The following FCRL5 variants were observed in gnomAD, a reference collection of about 807,000 sequenced individuals.
FCRL5 encodes the protein Fc receptor-like protein 5.
A neutral mutation model predicts 92.1 loss-of-function variants in FCRL5; 79 were observed. The observed-to-expected ratio is 0.86, with a 90% CI of 0.72 to 1.03. FCRL5 has a LOEUF of 1.03. Ranked by LOEUF, FCRL5 falls within the 50% of genes least tolerant of loss-of-function variation. The probability of loss-of-function intolerance (pLI) is 0.00; values close to 1 mark genes in which losing one functional copy is unlikely to be tolerated. For missense variants in FCRL5, 1,160 were observed against 1,181.1 expected, an observed-to-expected ratio of 0.98 and a Z score of 0.26; for synonymous variants, 466 against 469.3, an observed-to-expected ratio of 0.99 and a Z score of 0.09.
At position 157,543,008 on chromosome 1, in the gene FCRL5, C is replaced by A; in HGVS notation, c.974G>T (p.Gly325Val). 2 of 1,614,188 alleles carry A rather than the reference C, an allele frequency of 1.2e-6. No individual in the cohort carries two copies. The highest frequency in any genetic ancestry group is 1.7e-6 in the Non-Finnish European group (2 of 1,180,038). ...GACTGACTTGTGCCTCAGGGGGACA[C>A]CCTCATGATAAAACCTGTACAAAGT... Reference protein sequence around the residue: ...LRTLYRFYHEGVPLRHKSVRC... With the variant: ...LRTLYRFYHEVVPLRHKSVRC... The change falls in exon 6 of 17, where the codon GGT becomes GTT. Residue 325 changes from glycine (G) to valine (V), a missense_variant. Gly to Val is a moderately radical substitution (Grantham distance 109, BLOSUM62 -3). Transcript: ENST00000361835.
chr1:157,536,007 T>A (rs1046811543), intron 7 of FCRL5, among the ~76,000 whole-genome samples: 1 of 148,192 alleles, frequency 6.7e-6, no homozygotes, highest in Non-Finnish European at 1.5e-5. Context: ...AGTGGCATGA[T>A]CTCAGCTCAC....
At chr1:157,518,544 T>TTG (rs747516985) in intron 14 of FCRL5, 47 bp from the exon 15 acceptor site, 1 of 1,545,040 alleles carries the variant, frequency 6.5e-7, no homozygotes, top group South Asian at 1.1e-5. Flanking sequence ...TTCTTGCCTC[T>TTG]TGTTAGAGAT....
chr1:157,526,379 A>G (rs1235760985), intron 9 of FCRL5, among the ~76,000 whole-genome samples: 1 of 152,188 alleles, frequency 6.6e-6, no homozygotes, highest in South Asian at 2.1e-4. Context: ...ACATGGAGAC[A>G]GTCTGGGTAA....
intron 15 of FCRL5, among the ~76,000 whole-genome samples, chr1:157,516,287 G>C (rs1472701005): frequency 6.6e-6 from 1 of 152,020 alleles, no homozygotes; most frequent in African/African-American, 2.4e-5. Context: ...TCCGTGGTTG[G>C]GGGAAGTCAC....
chr1:157,523,294 T>C (rs1046910488), intron 10 of FCRL5, among the ~76,000 whole-genome samples: 2 of 152,348 alleles, frequency 1.3e-5, no homozygotes, highest in East Asian at 1.9e-4. Context: ...TACAACCTGC[T>C]TTTACTTTTG....
chr1:157,523,589 G>A (rs928417838), intron 10 of FCRL5, among the ~76,000 whole-genome samples: 1 of 152,192 alleles, frequency 6.6e-6, no homozygotes, highest in Non-Finnish European at 1.5e-5. Context: ...GCTTGTAGGA[G>A]GTCATCACCA....
intron 2 of FCRL5, among the ~76,000 whole-genome samples, chr1:157,548,604 C>G (rs1651663877): frequency 6.6e-6 from 1 of 152,192 alleles, no homozygotes; most frequent in South Asian, 2.1e-4. Flanking sequence ...TTCAAACAAC[C>G]CCATCAAAAA....
At chr1:157,544,727 G>T in intron 4 of FCRL5, 104 bp downstream of exon 4, 1 of 1,492,006 alleles carries the variant, frequency 6.7e-7, no homozygotes. Context: ...TGTGTCCTGT[G>T]GTTTAGTGGT....
Position 157,542,932 on chromosome 1 carries a change from T to C in FCRL5, c.1050A>G (p.Ser350=). ...SISFSLTTEN[S]GNYYCTADNG... The stretch of plus-strand genomic sequence containing the variant: ...TGTCAGCTGTGCAGTAGTAGTTCCC[T>C]GAATTCTCTGTAGTCAGTGAGAAGC... Residue 350 remains serine (S), a synonymous_variant, in exon 6 of 17, where the codon TCA becomes TCG. Coordinates refer to ENST00000361835, the MANE Select transcript of FCRL5 (RefSeq NM_031281.3). The C allele has an allele frequency of 2.5e-6, 4 of 1,614,222 alleles. No homozygotes were observed. The highest frequency in any genetic ancestry group is 1.3e-5 in the African/African-American group (1 of 75,074).
chr1:157,533,372 T>G (rs1650784714), intron 8 of FCRL5: 1 of 152,236 alleles, frequency 6.6e-6, no homozygotes, highest in Non-Finnish European at 1.5e-5. Context: ...TTCTGTATTG[T>G]TTTCTCAAAT....
At chr1:157,538,127 T>C (rs534232748) in intron 7 of FCRL5, among the ~76,000 whole-genome samples, 7 of 152,212 alleles carry the variant, frequency 4.6e-5, no homozygotes, top group Non-Finnish European at 1.0e-4. Context: ...GATCATGATG[T>C]CCCTGTCTCC....
At chr1:157,528,413 A>G (rs1392804535) in intron 8 of FCRL5, 1 of 152,218 alleles carries the variant, frequency 6.6e-6, no homozygotes, top group Non-Finnish European at 1.5e-5. Flanking sequence ...ACTTCAATGC[A>G]ATTCCCATCA....
Position 157,519,204 on chromosome 1 carries a change from C to T in FCRL5, c.2661-422G>A, listed in dbSNP as rs1392246606. ...GCTCTACATGTTTGGATGCTGCTATCGTGGGCTTGCCCAGGGATAGCTGTG... is the reference window on the plus strand; with the variant it reads ...GCTCTACATGTTTGGATGCTGCTATTGTGGGCTTGCCCAGGGATAGCTGTG... On this transcript the variant is annotated intron_variant, in intron 13 of 16. Transcript: ENST00000361835. 7 of 174,578 alleles carry T rather than the reference C, an allele frequency of 4.0e-5. 1 individual carries two copies. Among genetic ancestry groups the T allele is most frequent in the South Asian group, 3.0e-4 (2 of 6,706 alleles). 10.8% of individuals were successfully genotyped at this position (174,578 alleles called of 1,614,324 possible).
rs765035849 is a variant in FCRL5 at position 157,515,642 on chromosome 1, A to G, written c.*33T>C. 60 of 1,614,088 alleles carry G rather than the reference A, an allele frequency of 3.7e-5. No homozygotes were observed. The highest frequency in any genetic ancestry group is 2.6e-5 in the Non-Finnish European group (31 of 1,180,058). ...CCCCAAGGGGAACTTTGGGGTGCAG[A>G]GGCTGAAACAGCAGTTGGAGAGACG... On this transcript the variant is annotated 3_prime_UTR_variant, in exon 17 of 17. Transcript: ENST00000361835.
chr1:157,546,254 C>A, intron 3 of FCRL5: 1 of 454,042 alleles, frequency 2.2e-6, no homozygotes, highest in South Asian at 1.6e-5. Context: ...TCAACATTAG[C>A]CTGGGCAGCA....
chr1:157,536,584 G>A (rs1650978483), intron 7 of FCRL5, among the ~76,000 whole-genome samples: 1 of 152,230 alleles, frequency 6.6e-6, no homozygotes, highest in Non-Finnish European at 1.5e-5. Context: ...TGCAGAATAT[G>A]GCCCAAGCCC....
Position 157,544,485 on chromosome 1 carries a change from C to T in FCRL5, c.621G>A (p.Val207=), listed in dbSNP as rs562203356. The change falls in exon 5 of 17, where the codon GTG becomes GTA. Residue 207 remains valine, a synonymous_variant. Transcript: ENST00000361835. ...SSFQPISGNP[V]TLTCETQLSL... The stretch of plus-strand genomic sequence containing the variant: ...AGAGCTGGGTCTCACAGGTCAGGGT[C>T]ACTGGGTTCCCGCTGATGGGCTGGA... 1.8e-5 allele frequency: 29 copies of T among 1,614,076 alleles called. No homozygotes were observed. The highest frequency in any genetic ancestry group is 2.5e-5 in the Non-Finnish European group (29 of 1,180,038).
In FCRL5 at chr1:157,552,471, C is replaced by A. The variant is rs113006596; in HGVS notation, c.-109G>T. The A allele has an allele frequency of 2.7e-6, 3 of 1,130,238 alleles. No individual in the cohort carries two copies. Among genetic ancestry groups the A allele is most frequent in the South Asian group, 2.5e-5 (2 of 79,942 alleles). 70.0% of individuals were successfully genotyped at this position (1,130,238 alleles called of 1,614,324 possible). ...GACACTGCACACCAGCTCCAAGGAG[C>A]ACATCTGAGAAGCTGTGCTCTCAAA... On this transcript the variant is annotated 5_prime_UTR_variant, in exon 1 of 17. Transcript: ENST00000361835.
intron 4 of FCRL5, 125 bp from the exon 5 acceptor site, chr1:157,544,671 C>T (rs774891407): frequency 8.4e-6 from 12 of 1,421,606 alleles, no homozygotes; most frequent in South Asian, 1.3e-5. Flanking sequence ...TCCCTAGCTT[C>T]CTTCAGCCCA....
Sources: allele counts gnomAD v4.1 joint callset (sites outside exome capture counted in the v4.1 genomes callset), GRCh38; gene constraint gnomAD v4.1.1; transcripts MANE v1.5; gene names NCBI Gene and HGNC (gene_info 2026-07-23, HGNC 2026-07-21).